The following TERB1 variants were observed in gnomAD, a reference collection of about 807,000 sequenced individuals.
TERB1 encodes telomere repeats-binding bouquet formation protein 1.
TERB1 carries 63 observed loss-of-function variants against 92.3 expected under a neutral mutation model. That is an observed-to-expected ratio of 0.68 (90% CI 0.56 to 0.84). The LOEUF is 0.84. TERB1 is among the 40% of genes least tolerant of loss of function. The pLI, the probability that TERB1 is intolerant of heterozygous loss-of-function variation, is 0.00. For synonymous variants in TERB1, 252 were observed against 283.9 expected (o/e 0.89, Z 1.13); for missense variants, 709 against 843.7 (o/e 0.84, Z 1.98).
At chr16:66,794,911 A>G (rs1406408601) in intron 3 of TERB1, among the ~76,000 whole-genome samples, 7 of 71,510 alleles carry the variant, frequency 9.8e-5, no homozygotes, top group Admixed American at 1.9e-4. Context: ...CTCCGTCTCA[A>G]AAAAAAAAAA....
intron 9 of TERB1, among the ~76,000 whole-genome samples, chr16:66,779,376 T>C (rs746220749): frequency 4.6e-5 from 7 of 152,104 alleles, no homozygotes; most frequent in Admixed American, 6.6e-5. Flanking sequence ...GATAGGCAGA[T>C]TGCTTGAGTC....
At chr16:66,765,683 C>T (rs2145092776) in intron 16 of TERB1, among the ~76,000 whole-genome samples, 1 of 151,472 alleles carries the variant, frequency 6.6e-6, no homozygotes, top group African/African-American at 2.4e-5. Context: ...GTCTTGAACT[C>T]CTGAGCTCAG....
chr16:66,778,976 T>G lies in TERB1; in HGVS notation c.740A>C (p.Asp247Ala), dbSNP rs1156656776. 10 of 1,530,132 alleles carry G rather than the reference T, an allele frequency of 6.5e-6. No individual in the cohort carries two copies. Among genetic ancestry groups the G allele is most frequent in the African/African-American group, 1.4e-5 (1 of 72,742 alleles). 94.8% of individuals were successfully genotyped at this position (1,530,132 alleles called of 1,614,324 possible). A position where few individuals can be genotyped will look rare whatever the true frequency, so the allele number is the denominator to read the frequency against. ...CTGCATGAGAACTTGAGACAATACA[T>G]CCAGTCCGCCCACAGATACGAAGTA... ...QKYFVSVGGLDVLSQVLMQLE... is the reference protein window; with the variant it reads ...QKYFVSVGGLAVLSQVLMQLE... The change falls in exon 10 of 19, where the codon GAT becomes GCT. Residue 247 changes from aspartate (D) to alanine (A), a missense_variant. Transcript: ENST00000433154.
intron 18 of TERB1, among the ~76,000 whole-genome samples, chr16:66,758,100 A>T (rs1280990961): frequency 6.6e-6 from 1 of 152,240 alleles, no homozygotes; most frequent in East Asian, 1.9e-4. Flanking sequence ...TGGCTTTTTG[A>T]ATCTAAGTTC....
chr16:66,786,357 G>C (rs2018729227), intron 6 of TERB1, 72 bp from the exon 7 acceptor site: 6 of 1,057,360 alleles, frequency 5.7e-6, no homozygotes. Flanking sequence ...GAACAGTTAA[G>C]TTTTATTTTA....
chr16:66,788,273 G>A lies in TERB1; in HGVS notation c.296C>T (p.Thr99Ile), dbSNP rs2018761491. The A allele has an allele frequency of 2.7e-6, 4 of 1,498,666 alleles. No homozygotes were observed. The highest frequency in any genetic ancestry group is 3.5e-6 in the Non-Finnish European group (4 of 1,128,208). 92.8% of individuals were successfully genotyped at this position (1,498,666 alleles called of 1,614,324 possible). Residue 99 changes from threonine to isoleucine, a missense_variant, in exon 6 of 19, where the codon ACT becomes ATT. Physicochemically the swap from Thr to Ile is moderately conservative, Grantham distance 89. Coordinates refer to ENST00000433154, the MANE Select transcript of TERB1 (RefSeq NM_001136505.2). ...AGTTAAGTCTTCAAACAACTCTGAA[G>A]TACACAAAGTCTGCTGACAGTAAAC... is the stretch of plus-strand genomic sequence containing the variant. Reference protein sequence around the residue: ...KNVYCQQTLCTSELFEDLTWF... With the variant: ...KNVYCQQTLCISELFEDLTWF...
rs570658663 is a variant in TERB1 at position 66,797,234 on chromosome 16, CT to C, written c.-32-405del. 4.8e-3 allele frequency among the ~76,000 whole-genome samples: 656 copies of C among 137,820 alleles called. 1 individual carries two copies. Among genetic ancestry groups the C allele is most frequent in the Middle Eastern group, 0.011 (3 of 264 alleles). 90.4% of individuals were successfully genotyped at this position (137,820 alleles called of 152,430 possible). A position where few individuals can be genotyped will look rare whatever the true frequency, so the allele number is the denominator to read the frequency against. ...CCTCTTAGCTGGTCCCATTTCCTTC[CT>C]TTTTTTTTTTTTTTTTGGACAGCAG... On this transcript the variant is annotated intron_variant, in intron 2 of 18. Transcript: ENST00000433154.
chr16:66,769,550 A>G (rs1173556693), intron 14 of TERB1, among the ~76,000 whole-genome samples: 4 of 152,246 alleles, frequency 2.6e-5, no homozygotes, highest in Non-Finnish European at 1.5e-5. Flanking sequence ...AATTTTCTTC[A>G]CATCCTATTC....
chr16:66,787,459 AAC>A (rs1329389368), intron 6 of TERB1, among the ~76,000 whole-genome samples: 1 of 152,064 alleles, frequency 6.6e-6, no homozygotes, highest in African/African-American at 2.4e-5. Context: ...CAGAATTTCT[AAC>A]AGTTTGAAGA....
chr16:66,797,267 ACT>A (rs907394386), intron 2 of TERB1, among the ~76,000 whole-genome samples: 1 of 134,262 alleles, frequency 7.4e-6, no homozygotes, highest in Non-Finnish European at 1.6e-5. Context: ...GCAGGGTCTC[ACT>A]CTGACACCCA....
chr16:66,792,362 G>C (rs980896492), intron 3 of TERB1, among the ~76,000 whole-genome samples: 2 of 152,100 alleles, frequency 1.3e-5, no homozygotes, highest in African/African-American at 4.8e-5. Flanking sequence ...CTAAAACCAG[G>C]TATAAGACAG....
At chr16:66,781,522 T>TTC (rs1194409485) in intron 9 of TERB1, among the ~76,000 whole-genome samples, 1 of 147,052 alleles carries the variant, frequency 6.8e-6, no homozygotes, top group East Asian at 2.0e-4. Flanking sequence ...ACAAATTCTT[T>TTC]TTTTTTTTTT....
chr16:66,766,093 G>A (rs371577120), intron 16 of TERB1, among the ~76,000 whole-genome samples: 203 of 147,058 alleles, frequency 1.4e-3, no homozygotes, highest in Admixed American at 3.1e-3. Flanking sequence ...GGATGGTCTC[G>A]ATCTCCTGAC....
intron 16 of TERB1, among the ~76,000 whole-genome samples, chr16:66,764,371 T>C (rs1439598155): frequency 6.6e-6 from 1 of 152,170 alleles, no homozygotes; most frequent in Non-Finnish European, 1.5e-5. Flanking sequence ...AATGGCAAAG[T>C]TTGAAATAAC....
At position 66,769,983 on chromosome 16, in the gene TERB1, CT is replaced by C; in HGVS notation, c.1598del (p.Lys533ArgfsTer22). The C allele has an allele frequency of 6.5e-7, 1 of 1,549,636 alleles. No individual in the cohort carries two copies. The highest frequency in any genetic ancestry group is 8.7e-7 in the Non-Finnish European group (1 of 1,146,242). ...TATACCTTGATTGAGAAACAAAATT[CT>C]TTTCAAAAGTAGTTTCTTCATGTAA... Reference protein sequence around the residue: ...QNLHEETTFEKNFVSQSSDHV... With the variant: ...QNLHEETTFEXNFVSQSSDHV... On this transcript the variant is annotated frameshift_variant, in exon 14 of 19. Coordinates refer to ENST00000433154, the MANE Select transcript of TERB1 (RefSeq NM_001136505.2). LOFTEE classifies it high-confidence loss of function.
intron 9 of TERB1, among the ~76,000 whole-genome samples, chr16:66,781,252 T>G (rs1182182923): frequency 6.6e-6 from 1 of 152,156 alleles, no homozygotes; most frequent in Non-Finnish European, 1.5e-5. Flanking sequence ...AGACAAGGTC[T>G]CACTACGTTG....
chr16:66,758,108 T>G lies in TERB1; in HGVS notation c.1996+665A>C, dbSNP rs182309398. On this transcript the variant is annotated intron_variant, in intron 18 of 18. Transcript: ENST00000433154. ...TGGAGAATGGCTTTTTGAATCTAAG[T>G]TCTGCCACTTACCAAGTATTAATAA... Among the ~76,000 whole-genome samples the G allele has an allele frequency of 4.9e-3, 752 of 152,346 alleles. 6 individuals are homozygous for G. Among genetic ancestry groups the G allele is most frequent in the African/African-American group, 0.017 (721 of 41,574 alleles).
chr16:66,764,720 C>T (rs1325280099), intron 16 of TERB1, among the ~76,000 whole-genome samples: 2 of 152,136 alleles, frequency 1.3e-5, no homozygotes, highest in Non-Finnish European at 2.9e-5. Context: ...CGAGAGAGAA[C>T]AGTCATGGAT....
chr16:66,756,022 G>C (rs2018132087), intron 18 of TERB1, among the ~76,000 whole-genome samples: 2 of 152,076 alleles, frequency 1.3e-5, no homozygotes, highest in Admixed American at 6.6e-5. Context: ...GGTTTTTAAG[G>C]GATACTTTCT....
Sources: allele counts gnomAD v4.1 joint callset (sites outside exome capture counted in the v4.1 genomes callset), GRCh38; gene constraint gnomAD v4.1.1; transcripts MANE v1.5; gene names NCBI Gene and HGNC (gene_info 2026-07-23, HGNC 2026-07-21).